RNF168: variants seen among roughly 807,000 people sequenced by gnomAD.
The protein encoded by RNF168 is ring finger protein 168.
In RNF168, 34 loss-of-function variants were observed where a neutral mutation model predicts 34.9. That is an observed-to-expected ratio of 0.97 (90% CI 0.74 to 1.30). The LOEUF (loss-of-function observed/expected upper bound fraction) is 1.30, where lower values mean the gene tolerates loss of function less well. Ranked by LOEUF, RNF168 falls within the 50% of genes most tolerant of loss-of-function variation. RNF168 has a pLI of 0.00. For missense variants in RNF168, 725 were observed against 682.5 expected (o/e 1.06, Z -0.69); for synonymous variants, 264 against 254.7 (o/e 1.04, Z -0.35).
At chr3:196,485,552 T>TG (rs1412599770) in intron 3 of RNF168, among the ~76,000 whole-genome samples, 2 of 152,090 alleles carry the variant, frequency 1.3e-5, no homozygotes, top group African/African-American at 4.8e-5. Flanking sequence ...TATAATACCA[T>TG]GGGAAAACTA....
At chr3:196,479,651 T>C (rs148045423) in intron 4 of RNF168, among the ~76,000 whole-genome samples, 3,201 of 151,424 alleles carry the variant, frequency 0.021, 126 homozygotes, top group African/African-American at 0.074. Context: ...AGTGCAGTGG[T>C]GTGACCTCGG....
At chr3:196,482,582 A>G (rs1732324269) in intron 4 of RNF168, among the ~76,000 whole-genome samples, 1 of 152,146 alleles carries the variant, frequency 6.6e-6, no homozygotes, top group African/African-American at 2.4e-5. Context: ...AAGGATTCCA[A>G]TTTCTCCACA....
At chr3:196,500,418 T>C (rs187364332) in intron 1 of RNF168, among the ~76,000 whole-genome samples, 74 of 152,238 alleles carry the variant, frequency 4.9e-4, no homozygotes, top group African/African-American at 1.8e-3. Flanking sequence ...ACAAAACCTA[T>C]GAAAATTCCA....
At position 196,478,565 on chromosome 3, in the gene RNF168, A is replaced by G. The variant is rs549634305; in HGVS notation, c.681-3253T>C. ...TGTGAATTGTCCTTTGCTCAATTAAACTCTGTTAATTTGTCTAAGGTTCTC... is the reference window on the plus strand; with the variant it reads ...TGTGAATTGTCCTTTGCTCAATTAAGCTCTGTTAATTTGTCTAAGGTTCTC... On this transcript the variant is annotated intron_variant, in intron 4 of 5. Transcript: ENST00000318037. 3.3e-5 allele frequency among the ~76,000 whole-genome samples: 5 copies of G among 152,016 alleles called. 1 individual carries two copies. In the South Asian group the frequency reaches 8.3e-4, roughly 25 times the overall value.
intron 4 of RNF168, among the ~76,000 whole-genome samples, chr3:196,481,129 G>A (rs1038123595): frequency 4.6e-5 from 7 of 152,068 alleles, no homozygotes; most frequent in Non-Finnish European, 7.3e-5. Flanking sequence ...TAATTATACC[G>A]CCTCTGAAGA....
intron 4 of RNF168, 49 bp from the exon 5 acceptor site, chr3:196,475,361 A>G: frequency 9.4e-7 from 1 of 1,068,824 alleles, no homozygotes; most frequent in South Asian, 1.3e-5. Context: ...GACAGATGGT[A>G]TGTACCCAAC....
chr3:196,501,106 G>A (rs1180055366), intron 1 of RNF168, among the ~76,000 whole-genome samples: 5 of 152,198 alleles, frequency 3.3e-5, no homozygotes, highest in Non-Finnish European at 5.9e-5. Flanking sequence ...GAAGAAACTG[G>A]AAACTTCGTA....
At position 196,468,885 on chromosome 3, in the gene RNF168, G is replaced by A. The variant is rs1046856423; in HGVS notation, c.*2934C>T. On this transcript the variant is annotated 3_prime_UTR_variant, in exon 6 of 6. Transcript: ENST00000318037. ...GCATATCCTTTCCACAAAAATGAGA[G>A]GAAAAAGGACCAGTACCTGCTAGTG... 2.0e-5 allele frequency: 3 copies of A among 151,984 alleles called. No homozygotes were observed. Among genetic ancestry groups the A allele is most frequent in the Non-Finnish European group, 4.4e-5 (3 of 67,988 alleles). 9.4% of individuals were successfully genotyped at this position (151,984 alleles called of 1,614,324 possible).
At chr3:196,498,236 C>A (rs1732792062) in intron 1 of RNF168, among the ~76,000 whole-genome samples, 1 of 152,136 alleles carries the variant, frequency 6.6e-6, no homozygotes, top group Non-Finnish European at 1.5e-5. Flanking sequence ...AGGCTCACTG[C>A]AACCTCTGCC....
Position 196,472,106 on chromosome 3 carries a change from G to GT in RNF168, c.1428dup (p.Arg477ThrfsTer43), listed in dbSNP as rs1395451311. 2.5e-6 allele frequency: 4 copies of GT among 1,613,778 alleles called. No homozygotes were observed. The highest frequency in any genetic ancestry group is 1.7e-5 in the Admixed American group (1 of 59,978). On this transcript the variant is annotated frameshift_variant, in exon 6 of 6. Coordinates refer to ENST00000318037, the MANE Select transcript of RNF168 (RefSeq NM_152617.4). LOFTEE classifies it high-confidence loss of function. ...TTGTCTGGAGGGGAGGATGTAGCGC[G>GT]TAAGTGATACTCATCTGGGGATCCT...
At chr3:196,473,508 C>T (rs1203900973) in intron 5 of RNF168, among the ~76,000 whole-genome samples, 1 of 152,164 alleles carries the variant, frequency 6.6e-6, no homozygotes, top group African/African-American at 2.4e-5. Flanking sequence ...TGCCACAAGG[C>T]ACAACTGCAG....
At chr3:196,494,870 A>G (rs1183900203) in intron 1 of RNF168, among the ~76,000 whole-genome samples, 7 of 152,064 alleles carry the variant, frequency 4.6e-5, no homozygotes, top group Admixed American at 4.6e-4. Flanking sequence ...AAAAAATAAA[A>G]AAATTAGCCT....
chr3:196,485,734 A>C (rs1053885472), intron 3 of RNF168, among the ~76,000 whole-genome samples: 2 of 152,086 alleles, frequency 1.3e-5, no homozygotes, highest in African/African-American at 2.4e-5. Flanking sequence ...AAAAAGAAAA[A>C]AATTCCCAAT....
intron 2 of RNF168, 139 bp from the exon 3 acceptor site, chr3:196,487,717 G>T: frequency 1.2e-6 from 1 of 855,180 alleles, no homozygotes. Flanking sequence ...CAAATCTGGA[G>T]AAGTAGATTC....
At chr3:196,489,270 T>A (rs1245661301) in intron 1 of RNF168, among the ~76,000 whole-genome samples, 1 of 151,974 alleles carries the variant, frequency 6.6e-6, no homozygotes, top group Non-Finnish European at 1.5e-5. Flanking sequence ...AAGGAATTTT[T>A]AAAAACTGTA....
intron 4 of RNF168, among the ~76,000 whole-genome samples, chr3:196,480,111 AG>A (rs1246833012): frequency 1.3e-5 from 2 of 152,186 alleles, no homozygotes; most frequent in African/African-American, 4.8e-5. Flanking sequence ...AAAATTCACC[AG>A]AAAGTATACT....
At chr3:196,488,511 T>G in intron 2 of RNF168, 96 bp downstream of exon 2, 1 of 711,730 alleles carries the variant, frequency 1.4e-6, no homozygotes, top group Non-Finnish European at 2.5e-6. Context: ...TATTTCAAGA[T>G]ATACTAGTTA....
chr3:196,488,829 TTTTA>T (rs1436901224), intron 1 of RNF168, 146 bp from the exon 2 acceptor site: 11 of 423,722 alleles, frequency 2.6e-5, no homozygotes, highest in East Asian at 2.1e-4. Flanking sequence ...TTAACATTTA[TTTTA>T]TTTATTTATT....
chr3:196,478,451 G>A (rs971618266), intron 4 of RNF168, among the ~76,000 whole-genome samples: 1 of 152,054 alleles, frequency 6.6e-6, no homozygotes. Flanking sequence ...CATACATCAC[G>A]TTCCCTTTTC....
Sources: allele counts gnomAD v4.1 joint callset (sites outside exome capture counted in the v4.1 genomes callset), GRCh38; gene constraint gnomAD v4.1.1; transcripts MANE v1.5; gene names NCBI Gene and HGNC (gene_info 2026-07-23, HGNC 2026-07-21).